The following MIGA2 variants were observed in gnomAD, a reference collection of about 807,000 sequenced individuals.
MIGA2 encodes mitoguardin 2.
A neutral mutation model predicts 69.9 loss-of-function variants in MIGA2; 36 were observed. That is an observed-to-expected ratio of 0.52 (90% CI 0.39 to 0.68). The LOEUF is 0.68. Ranked by LOEUF, MIGA2 falls within the 30% of genes least tolerant of loss-of-function variation. The pLI is 0.00. For synonymous variants in MIGA2, 333 were observed against 349.2 expected (o/e 0.95, Z 0.52); for missense variants, 660 against 787.7 (o/e 0.84, Z 1.94).
rs143223133 is a variant in MIGA2 at position 129,049,892 on chromosome 9, G to T, written c.604G>T (p.Asp202Tyr). The T allele has an allele frequency of 1.2e-6, 2 of 1,613,920 alleles. No homozygotes were observed. The highest frequency in any genetic ancestry group is 1.7e-6 in the Non-Finnish European group (2 of 1,180,032). The stretch of plus-strand genomic sequence containing the variant: ...GGCACTAAGCGTGGGCCAGCGGGGG[G>T]ACAGCGGCAGCACCCCCATGCCCAG... ...EQALSVGQRG[D>Y]SGSTPMPRDG... Residue 202 changes from aspartate (D) to tyrosine (Y), a missense_variant, in exon 6 of 16, where the codon GAC becomes TAC. Asp to Tyr is a radical substitution (Grantham distance 160, BLOSUM62 -3). Transcript: ENST00000684074.
rs187412121 is a variant in MIGA2 at position 129,050,586 on chromosome 9, T to C, written c.675+623T>C. On this transcript the variant is annotated intron_variant, in intron 6 of 15. Transcript: ENST00000684074. ...TCGTACCCAGCTGTTTTTTTTTTTT[T>C]TTTGAAATGGAGTCTTGCACTGTCA... is the stretch of plus-strand genomic sequence containing the variant. Among the ~76,000 whole-genome samples the C allele has an allele frequency of 7.7e-3, 1,166 of 150,486 alleles. 13 individuals carry two copies. Among genetic ancestry groups the C allele is most frequent in the African/African-American group, 0.027 (1,097 of 40,834 alleles).
In MIGA2 at chr9:129,042,441, G is replaced by T. The variant is rs773853989; in HGVS notation, c.234G>T (p.Glu78Asp). 2.5e-6 allele frequency: 4 copies of T among 1,611,790 alleles called. No homozygotes were observed. In the South Asian group the frequency reaches 4.4e-5, roughly 18 times the overall value. Residue 78 changes from glutamate to aspartate, a missense_variant, in exon 3 of 16, where the codon GAG (glutamate) becomes GAT (aspartate). Physicochemically the swap from Glu to Asp is conservative, Grantham distance 45. Transcript: ENST00000684074. The part of the protein sequence containing the change: ...RRRRKKQVGP[E>D]MGGEQLGTVP... ...GGAGGAAGAAGCAGGTTGGTCCCGA[G>T]ATGGGAGGGGAGCAGCTGGGCACGG...
At position 129,059,206 on chromosome 9, in the gene MIGA2, G is replaced by T. The variant is rs72760509; in HGVS notation, c.728G>T (p.Arg243Leu). 1.2e-6 allele frequency: 2 copies of T among 1,611,658 alleles called. No homozygotes were observed. The highest frequency in any genetic ancestry group is 1.7e-6 in the Non-Finnish European group (2 of 1,178,850). ...GAGAAGCTGGAGTCCCTGCTGCACCGTGCCTACCACCTGCAGGAGGAGTTC... is the reference window on the plus strand; with the variant it reads ...GAGAAGCTGGAGTCCCTGCTGCACCTTGCCTACCACCTGCAGGAGGAGTTC... ...FAEKLESLLH[R>L]AYHLQEEFGS... Residue 243 changes from arginine (R) to leucine (L), a missense_variant, in exon 7 of 16, where the codon CGT becomes CTT. By Grantham distance (102) the Arg-to-Leu change is moderately radical. This residue lies in a region of MIGA2 where 386 missense variants were observed against 402.0 expected (regional missense o/e 0.96). Coordinates refer to ENST00000684074, the MANE Select transcript of MIGA2 (RefSeq NM_001329990.2). The surrounding 1 kb of genome is among the most constrained non-coding windows in gnomAD (Gnocchi z 5.6).
chr9:129,051,806 C>T (rs1845559655), intron 6 of MIGA2, among the ~76,000 whole-genome samples: 2 of 148,188 alleles, frequency 1.3e-5, no homozygotes, highest in South Asian at 4.2e-4. Flanking sequence ...ACCATGTTAG[C>T]CAGGATGTAA....
chr9:129,065,933 T>C (rs1846317913), intron 11 of MIGA2, among the ~76,000 whole-genome samples: 1 of 152,190 alleles, frequency 6.6e-6, no homozygotes, highest in Admixed American at 6.5e-5. Context: ...TCCCCCGTTA[T>C]TCAGTTAGCT....
Position 129,069,295 on chromosome 9 carries a change from G to A in MIGA2, c.1458+166G>A. On this transcript the variant is annotated intron_variant, in intron 14 of 15. Transcript: ENST00000684074. The surrounding 1 kb of genome is among the most constrained non-coding windows in gnomAD (Gnocchi z 4.9). ...CTCCCTGTGCCAGGAGCTCCCTGGA[G>A]GCTCGTGTAGACCCACTTCCTCTCC... is the stretch of plus-strand genomic sequence containing the variant. The A allele has an allele frequency of 1.3e-6, 1 of 797,970 alleles. No individual in the cohort carries two copies. 49.4% of individuals were successfully genotyped at this position (797,970 alleles called of 1,614,324 possible).
chr9:129,068,990 A>C lies in MIGA2; in HGVS notation c.1405-86A>C. 6 of 1,524,270 alleles carry C rather than the reference A, an allele frequency of 3.9e-6. No individual in the cohort carries two copies. Among genetic ancestry groups the C allele is most frequent in the Non-Finnish European group, 5.5e-6 (6 of 1,099,690 alleles). The allele number at this position is 1,524,270 out of a possible 1,614,324, so 94.4% of individuals were successfully genotyped here. On this transcript the variant is annotated intron_variant, in intron 13 of 15. Coordinates refer to ENST00000684074, the MANE Select transcript of MIGA2 (RefSeq NM_001329990.2). This position sits in a 1 kb window ranked among gnomAD's most constrained non-coding sequence, Gnocchi z 4.1. ...CTTGGAGTGGGGTGAGCTGGGTTTA[A>C]GGGCTTGGTGCTGGGCTGGCAGAGG...
intron 3 of MIGA2, among the ~76,000 whole-genome samples, chr9:129,044,489 A>T (rs1262979657): frequency 1.3e-5 from 2 of 152,012 alleles, no homozygotes; most frequent in African/African-American, 4.8e-5. Context: ...TGTAATACAG[A>T]CCCGGTGTTT....
In MIGA2 at chr9:129,070,151, G is replaced by A. The variant is rs17452631; in HGVS notation, c.1576-96G>A. ...GCCTGGGGATGGAAAGGACCGGCTG[G>A]GGCTCTGGTGGTGGACAAGGGGACT... is the stretch of plus-strand genomic sequence containing the variant. On this transcript the variant is annotated intron_variant, in intron 15 of 15. Transcript: ENST00000684074. 1,749 of 1,424,698 alleles carry A rather than the reference G, an allele frequency of 1.2e-3. 19 individuals carry two copies. In the East Asian group the frequency reaches 0.015, roughly 12 times the overall value. The allele number at this position is 1,424,698 out of a possible 1,614,324, so 88.3% of individuals were successfully genotyped here.
rs1237928461 is a variant in MIGA2 at position 129,060,797 on chromosome 9, G to T, written c.894+147G>T. The T allele has an allele frequency of 7.7e-6, 5 of 651,560 alleles. No homozygotes were observed. Among genetic ancestry groups the T allele is most frequent in the Non-Finnish European group, 1.3e-5 (5 of 387,846 alleles). 40.4% of individuals were successfully genotyped at this position (651,560 alleles called of 1,614,324 possible). A position where few individuals can be genotyped will look rare whatever the true frequency, so the allele number is the denominator to read the frequency against. ...TGCTCCCACGGGCCTCCTCGAAGCT[G>T]TTGGGGATGGGGGGTGCTGAGAAAT... On this transcript the variant is annotated intron_variant, in intron 8 of 15. Transcript: ENST00000684074. This position sits in a 1 kb window ranked among gnomAD's most constrained non-coding sequence, Gnocchi z 4.8.
intron 11 of MIGA2, among the ~76,000 whole-genome samples, chr9:129,064,440 C>T (rs984864125): frequency 6.6e-6 from 1 of 151,916 alleles, no homozygotes; most frequent in Non-Finnish European, 1.5e-5. Context: ...ATCTCCTGAC[C>T]TCGTGATCCG....
chr9:129,068,458 GC>G lies in MIGA2; in HGVS notation c.1404+128del. The G allele has an allele frequency of 1.5e-6, 2 of 1,362,720 alleles. No homozygotes were observed. The highest frequency in any genetic ancestry group is 1.3e-5 in the South Asian group (1 of 76,510). The allele number at this position is 1,362,720 out of a possible 1,614,324, so 84.4% of individuals were successfully genotyped here. A position where few individuals can be genotyped will look rare whatever the true frequency, so the allele number is the denominator to read the frequency against. On this transcript the variant is annotated intron_variant, in intron 13 of 15. Coordinates refer to ENST00000684074, the MANE Select transcript of MIGA2 (RefSeq NM_001329990.2). The surrounding 1 kb of genome is among the most constrained non-coding windows in gnomAD (Gnocchi z 4.1). The stretch of plus-strand genomic sequence containing the variant: ...GCCCCCACCCCCTAGATCCGCGGCT[GC>G]CAGGCCTGGGAGACCAGAGTCTGCC...
rs1846006989 is a variant in MIGA2, at chr9:129,060,456, C to T, written c.794-94C>T. ...GAATCACAGGCTCGGGATGAAGCCT[C>T]CCCTGGGCCTGATGGGGGACTTCGT... On this transcript the variant is annotated intron_variant, in intron 7 of 15. Transcript: ENST00000684074. The surrounding 1 kb of genome is among the most constrained non-coding windows in gnomAD (Gnocchi z 4.8). 2 of 1,021,716 alleles carry T rather than the reference C, an allele frequency of 2.0e-6. No individual in the cohort carries two copies. Among genetic ancestry groups the T allele is most frequent in the Non-Finnish European group, 2.9e-6 (2 of 689,358 alleles). The allele number at this position is 1,021,716 out of a possible 1,614,324, so 63.3% of individuals were successfully genotyped here.
intron 15 of MIGA2, 78 bp from the exon 16 acceptor site, chr9:129,070,169 A>AG: frequency 2.6e-6 from 4 of 1,517,620 alleles, no homozygotes; most frequent in Non-Finnish European, 1.8e-6. Context: ...GTGGTGGACA[A>AG]GGGGACTTCA....
In MIGA2 at chr9:129,071,441, G is replaced by C. The variant is rs972349760; in HGVS notation, c.*988G>C. The C allele has an allele frequency of 6.6e-6, 1 of 152,264 alleles. No homozygotes were observed. Among genetic ancestry groups the C allele is most frequent in the Non-Finnish European group, 1.5e-5 (1 of 68,102 alleles). The allele number at this position is 152,264 out of a possible 1,614,324, so 9.4% of individuals were successfully genotyped here. On this transcript the variant is annotated 3_prime_UTR_variant, in exon 16 of 16. Coordinates refer to ENST00000684074, the MANE Select transcript of MIGA2 (RefSeq NM_001329990.2). The stretch of plus-strand genomic sequence containing the variant: ...GTTAGCAGCGACGTCCCCCCGCCGC[G>C]GGGTCCTGTCAGCCCGGCAGTGTCT...
intron 11 of MIGA2, 24 bp downstream of exon 11, chr9:129,063,655 G>GGGGGGGGGGCCC: frequency 3.1e-6 from 2 of 645,726 alleles, no homozygotes; most frequent in Non-Finnish European, 5.8e-6. Flanking sequence ...GGGTGGGGGG[G>GGGGGGGGGGCCC]CAAATTATAA....
rs756687799 is a variant in MIGA2, at chr9:129,071,621, C to CCT, written c.*1172_*1173dup. On this transcript the variant is annotated 3_prime_UTR_variant, in exon 16 of 16. Transcript: ENST00000684074. ...AGGACTGGCTCCTGTGACCAGGGCC[C>CCT]CTCTCCCCTGAATGGGAAAGGGGTC... 3 of 152,122 alleles carry CCT rather than the reference C, an allele frequency of 2.0e-5. No individual in the cohort carries two copies. Among genetic ancestry groups the CCT allele is most frequent in the African/African-American group, 4.8e-5 (2 of 41,438 alleles). The allele number at this position is 152,122 out of a possible 1,614,324, so 9.4% of individuals were successfully genotyped here. A position where few individuals can be genotyped will look rare whatever the true frequency, so the allele number is the denominator to read the frequency against.
chr9:129,064,490 A>T (rs970965721), intron 11 of MIGA2, among the ~76,000 whole-genome samples: 65 of 148,462 alleles, frequency 4.4e-4, no homozygotes, highest in African/African-American at 1.6e-3. Context: ...TACAGGCATG[A>T]GCCACCGTGC....
chr9:129,070,666 A>C lies in MIGA2; in HGVS notation c.*213A>C. The C allele has an allele frequency of 1.8e-6, 1 of 569,814 alleles. No individual in the cohort carries two copies. Among genetic ancestry groups the C allele is most frequent in the Non-Finnish European group, 3.1e-6 (1 of 327,568 alleles). 35.3% of individuals were successfully genotyped at this position (569,814 alleles called of 1,614,324 possible). On this transcript the variant is annotated 3_prime_UTR_variant, in exon 16 of 16. Coordinates refer to ENST00000684074, the MANE Select transcript of MIGA2 (RefSeq NM_001329990.2). ...GGACCAGTGGGGCCTGTGGGAGAGA[A>C]AGGCTGTGAGAGAGGGGGTTGTTGT...
Sources: allele counts gnomAD v4.1 joint callset (sites outside exome capture counted in the v4.1 genomes callset), GRCh38; gene constraint gnomAD v4.1.1; regional missense constraint gnomAD v4.1.1; non-coding constraint Gnocchi (gnomAD v3.1); transcripts MANE v1.5; gene names NCBI Gene and HGNC (gene_info 2026-07-23, HGNC 2026-07-21).